MCF2L2: variants seen among roughly 807,000 people sequenced by gnomAD.
The protein encoded by MCF2L2 is MCF.2 cell line derived transforming sequence-like 2, also known as probable guanine nucleotide exchange factor MCF2L2.
A neutral mutation model predicts 150.2 loss-of-function variants in MCF2L2; 102 were observed. The observed-to-expected ratio is 0.68, with a 90% CI of 0.58 to 0.80. The LOEUF (loss-of-function observed/expected upper bound fraction) is 0.80. MCF2L2 is among the 30% of genes least tolerant of loss of function. MCF2L2 has a pLI of 0.00. For missense variants in MCF2L2, 1,256 were observed against 1,372.8 expected, an observed-to-expected ratio of 0.91 and a Z score of 1.34; for synonymous variants, 465 against 491.3, an observed-to-expected ratio of 0.95 and a Z score of 0.71.
intron 27 of MCF2L2, among the ~76,000 whole-genome samples, chr3:183,188,474 T>C (rs185854469): frequency 6.6e-6 from 1 of 152,264 alleles, no homozygotes; most frequent in East Asian, 1.9e-4. Context: ...AATACAGCCA[T>C]TGGTTCAGTT....
intron 7 of MCF2L2, among the ~76,000 whole-genome samples, chr3:183,313,566 G>A (rs1369551774): frequency 2.0e-5 from 3 of 152,204 alleles, no homozygotes; most frequent in Non-Finnish European, 4.4e-5. Context: ...CATGAACACA[G>A]ACGGAAAGAT....
At chr3:183,186,179 GAAT>G (rs1470476317) in intron 27 of MCF2L2, among the ~76,000 whole-genome samples, 1 of 152,142 alleles carries the variant, frequency 6.6e-6, no homozygotes, top group Admixed American at 6.5e-5. Flanking sequence ...CATTTCATCA[GAAT>G]TTTAATGGAA....
At chr3:183,362,790 T>C (rs1263176303) in intron 3 of MCF2L2, among the ~76,000 whole-genome samples, 2 of 152,082 alleles carry the variant, frequency 1.3e-5, no homozygotes, top group African/African-American at 2.4e-5. Flanking sequence ...ATGCAAGCAG[T>C]AGTCATCTAC....
rs1723082627 is a variant in MCF2L2, at chr3:183,219,897, C to T, written c.2329G>A (p.Asp777Asn). 2 of 1,613,510 alleles carry T rather than the reference C, an allele frequency of 1.2e-6. No individual in the cohort carries two copies. Among genetic ancestry groups the T allele is most frequent in the South Asian group, 1.1e-5 (1 of 91,062 alleles). ...AGTTCACCTGGGTCTATCTCCATAT[C>T]TTCAGGAGACTCGAAATCCAGCAGA... is the stretch of plus-strand genomic sequence containing the variant. ...KGLLDFESPE[D>N]MEIDPGELGG... The change falls in exon 21 of 30, where the codon GAT becomes AAT. Residue 777 changes from aspartate to asparagine, a missense_variant. By Grantham distance (23) the Asp-to-Asn change is conservative. Coordinates refer to ENST00000328913, the MANE Select transcript of MCF2L2 (RefSeq NM_015078.4).
chr3:183,180,018 T>G (rs1721462648), intron 28 of MCF2L2, 53 bp downstream of exon 28: 1 of 1,371,796 alleles, frequency 7.3e-7, no homozygotes, highest in Non-Finnish European at 1.0e-6. Context: ...CAGGAGGAGC[T>G]GATGAATAGG....
chr3:183,402,462 A>AAAAAAAAAAAAAAAAAAAAAAAAC (rs1714817785), intron 1 of MCF2L2, among the ~76,000 whole-genome samples: 1 of 149,756 alleles, frequency 6.7e-6, no homozygotes, highest in Non-Finnish European at 1.5e-5. Context: ...AAAAAAAAAA[A>AAAAAAAAAAAAAAAAAAAAAAAAC]AAAAAAAAAA....
Position 183,195,956 on chromosome 3 carries a change from C to T in MCF2L2, c.2885-701G>A, listed in dbSNP as rs572538593. Among the ~76,000 whole-genome samples the T allele has an allele frequency of 5.9e-5, 9 of 152,310 alleles. No individual in the cohort carries two copies. In the East Asian group the frequency reaches 9.7e-4, roughly 16 times the overall value. On this transcript the variant is annotated intron_variant, in intron 25 of 29. Coordinates refer to ENST00000328913, the MANE Select transcript of MCF2L2 (RefSeq NM_015078.4). ...ATGGGACCGTGGCCTTGATTTCTGC[C>T]GGGACTGAGGCTTTGCCTTGTTTCC...
chr3:183,314,216 C>T (rs764972540), intron 7 of MCF2L2, among the ~76,000 whole-genome samples: 3 of 152,164 alleles, frequency 2.0e-5, no homozygotes, highest in Non-Finnish European at 4.4e-5. Flanking sequence ...AAGTCGGGAG[C>T]ACTCTCTGAT....
intron 6 of MCF2L2, among the ~76,000 whole-genome samples, chr3:183,320,008 G>C (rs1729745056): frequency 6.6e-6 from 1 of 152,098 alleles, no homozygotes; most frequent in African/African-American, 2.4e-5. Context: ...TCTAGTTATG[G>C]AAGTCTTAGA....
intron 27 of MCF2L2, among the ~76,000 whole-genome samples, chr3:183,185,356 C>G (rs758023393): frequency 6.6e-6 from 1 of 152,354 alleles, no homozygotes; most frequent in South Asian, 2.1e-4. Context: ...CTTGGAAGAA[C>G]CAGGGGGTAA....
intron 5 of MCF2L2, among the ~76,000 whole-genome samples, chr3:183,324,254 G>A (rs1422685191): frequency 2.6e-5 from 4 of 152,168 alleles, no homozygotes; most frequent in Non-Finnish European, 4.4e-5. Context: ...GCTGATGAGC[G>A]AACACTCACA....
At position 183,178,221 on chromosome 3, in the gene MCF2L2, C is replaced by T. The variant is rs1430771794; in HGVS notation, c.*1159G>A. On this transcript the variant is annotated 3_prime_UTR_variant, in exon 30 of 30. Transcript: ENST00000328913. Reference sequence around the variant, plus strand: ...GTGGCTCACGCCTGTAATCCCAGCACTTTGGGAGGCCGAGGCAGGGGGATC... The same window carrying T: ...GTGGCTCACGCCTGTAATCCCAGCATTTTGGGAGGCCGAGGCAGGGGGATC... 1 of 152,212 alleles carries T rather than the reference C, an allele frequency of 6.6e-6. No homozygotes were observed. The highest frequency in any genetic ancestry group is 6.5e-5 in the Admixed American group (1 of 15,288). 9.4% of individuals were successfully genotyped at this position (152,212 alleles called of 1,614,324 possible).
intron 21 of MCF2L2, among the ~76,000 whole-genome samples, chr3:183,219,101 A>G (rs1723049259): frequency 6.6e-6 from 1 of 152,112 alleles, no homozygotes; most frequent in African/African-American, 2.4e-5. Context: ...CATTTATTCT[A>G]AGGGAACTTT....
intron 1 of MCF2L2, among the ~76,000 whole-genome samples, chr3:183,406,540 G>A (rs1319174184): frequency 6.6e-6 from 1 of 152,166 alleles, no homozygotes; most frequent in Non-Finnish European, 1.5e-5. Flanking sequence ...CCAGGCTGGA[G>A]TGCAGTAGCA....
intron 10 of MCF2L2, among the ~76,000 whole-genome samples, chr3:183,304,462 ATT>A (rs36115279): frequency 0.018 from 2,096 of 114,006 alleles, 11 homozygotes; most frequent in African/African-American, 0.023. Flanking sequence ...CTGGGCAGTG[ATT>A]TTTTTTTTTT....
At position 183,310,993 on chromosome 3, in the gene MCF2L2, A is replaced by G. The variant is rs1371812967; in HGVS notation, c.915T>C (p.Phe305=). 1.9e-6 allele frequency: 3 copies of G among 1,613,826 alleles called. No individual in the cohort carries two copies. The highest frequency in any genetic ancestry group is 2.5e-6 in the Non-Finnish European group (3 of 1,179,688). The stretch of plus-strand genomic sequence containing the variant: ...GATGATGCTCAGACCAAAAGTGACT[A>G]AAGGCTTTTTCTGTTTCATCCAGTT... ...LVQLDETEKA[F]SHFWSEHHLK... The change falls in exon 9 of 30, where the codon TTT becomes TTC. Residue 305 remains phenylalanine (F), a synonymous_variant. Coordinates refer to ENST00000328913, the MANE Select transcript of MCF2L2 (RefSeq NM_015078.4).
chr3:183,331,142 G>A (rs541045737), intron 5 of MCF2L2, among the ~76,000 whole-genome samples: 2 of 152,232 alleles, frequency 1.3e-5, no homozygotes, highest in South Asian at 4.1e-4. Context: ...TCATCCCAGG[G>A]CCAGGTGCCA....
chr3:183,420,715 G>A (rs1417834960), intron 1 of MCF2L2, among the ~76,000 whole-genome samples: 1 of 152,236 alleles, frequency 6.6e-6, no homozygotes, highest in Non-Finnish European at 1.5e-5. Context: ...CGTGACAGAA[G>A]GCAAAGGGGA....
chr3:183,352,941 C>T (rs1711560943), intron 3 of MCF2L2, among the ~76,000 whole-genome samples: 1 of 151,816 alleles, frequency 6.6e-6, no homozygotes, highest in Admixed American at 6.6e-5. Context: ...AATAACTTAA[C>T]CATTTCAACC....
Sources: allele counts gnomAD v4.1 joint callset (sites outside exome capture counted in the v4.1 genomes callset), GRCh38; gene constraint gnomAD v4.1.1; transcripts MANE v1.5; gene names NCBI Gene and HGNC (gene_info 2026-07-23, HGNC 2026-07-21).